The following ZNF83 variants were observed in gnomAD, a reference collection of about 807,000 sequenced individuals.
The protein encoded by ZNF83 is zinc finger protein 816B.
For synonymous variants in ZNF83, 209 were observed against 213.0 expected, an observed-to-expected ratio of 0.98 and a Z score of 0.17; for missense variants, 552 against 629.9, an observed-to-expected ratio of 0.88 and a Z score of 1.32.
At chr19:52,673,827 C>A (rs2061760751) in intron 1 of ZNF83, among the ~76,000 whole-genome samples, 1 of 151,314 alleles carries the variant, frequency 6.6e-6, no homozygotes, top group Admixed American at 6.6e-5. Flanking sequence ...CCAGCCTGGT[C>A]AACATGGTGC....
chr19:52,631,474 C>G (rs974954984), intron 2 of ZNF83, among the ~76,000 whole-genome samples: 2 of 152,180 alleles, frequency 1.3e-5, no homozygotes, highest in Non-Finnish European at 2.9e-5. Context: ...ACAAACTATG[C>G]TCAACTTACT....
chr19:52,671,672 G>A (rs779941489), intron 1 of ZNF83, among the ~76,000 whole-genome samples: 7 of 152,094 alleles, frequency 4.6e-5, no homozygotes, highest in Non-Finnish European at 1.0e-4. Context: ...TCAACTCCTG[G>A]ACTCAAGCGA....
intron 3 of ZNF83, chr19:52,654,397 G>C (rs1600232776): frequency 1.8e-6 from 2 of 1,131,466 alleles, no homozygotes; most frequent in East Asian, 4.8e-5. Context: ...GGATTTTAAA[G>C]AGCTATCTAA....
intron 2 of ZNF83, among the ~76,000 whole-genome samples, chr19:52,631,892 A>C (rs2060977970): frequency 1.3e-5 from 2 of 151,402 alleles, no homozygotes; most frequent in African/African-American, 4.9e-5. Context: ...ATAACTTCTC[A>C]GTGTTCCATC....
exon 3 of ZNF83, chr19:52,613,224 A>G (rs756053753): frequency 6.8e-6 from 11 of 1,613,438 alleles, no homozygotes; most frequent in East Asian, 6.7e-5. Context: ...GAATTTTCCG[A>G]TGATGTGCTA....
At chr19:52,690,157 G>C (rs2062127486) in intron 1 of ZNF83, among the ~76,000 whole-genome samples, 1 of 149,076 alleles carries the variant, frequency 6.7e-6, no homozygotes, top group Admixed American at 6.7e-5. Flanking sequence ...AGCGCGGGGC[G>C]GGAGGAGTCT....
chr19:52,613,433 A>G (rs772470283), exon 3 of ZNF83: 1 of 1,614,064 alleles, frequency 6.2e-7, no homozygotes, highest in Admixed American at 1.7e-5. Flanking sequence ...GCTTTGTCAC[A>G]TTCATCACAC....
intron 3 of ZNF83, chr19:52,652,425 A>G: frequency 2.6e-6 from 1 of 381,964 alleles, no homozygotes; most frequent in Non-Finnish European, 5.1e-6. Context: ...AAAGAGTAAG[A>G]CTTCATCTGA....
intron 1 of ZNF83, among the ~76,000 whole-genome samples, chr19:52,666,163 CAA>C (rs35992506): frequency 1.1e-4 from 11 of 102,344 alleles, no homozygotes; most frequent in Non-Finnish European, 1.1e-4. Context: ...GACTCCATCT[CAA>C]AAAAAAAAAA....
intron 3 of ZNF83, among the ~76,000 whole-genome samples, chr19:52,647,126 C>A (rs1023539894): frequency 1.8e-4 from 27 of 151,926 alleles, no homozygotes; most frequent in Admixed American, 7.9e-4. Context: ...GGTTTTTTTC[C>A]CACCTCACCG....
chr19:52,630,977 T>G (rs1298976910), intron 2 of ZNF83, among the ~76,000 whole-genome samples: 1 of 149,254 alleles, frequency 6.7e-6, no homozygotes, highest in African/African-American at 2.5e-5. Context: ...TACTCTCCTA[T>G]CCTCAGTACC....
intron 1 of ZNF83, among the ~76,000 whole-genome samples, chr19:52,637,893 G>A (rs573415382): frequency 6.6e-6 from 1 of 152,290 alleles, no homozygotes; most frequent in Admixed American, 6.5e-5. Flanking sequence ...CAAGGTTGGG[G>A]TCTGCAGGAT....
intron 3 of ZNF83, chr19:52,651,500 C>A (rs907000782): frequency 6.6e-6 from 1 of 152,022 alleles, no homozygotes; most frequent in East Asian, 1.9e-4. Flanking sequence ...TCTGGCTTTT[C>A]CATCAGCCTT....
At chr19:52,637,827 T>G (rs902303608) in intron 1 of ZNF83, among the ~76,000 whole-genome samples, 1 of 151,968 alleles carries the variant, frequency 6.6e-6, no homozygotes, top group Non-Finnish European at 1.5e-5. Context: ...GAGAGACCTG[T>G]GGAGCAGCAG....
At chr19:52,640,292 G>T (rs1470205456), upstream of ZNF83, among the ~76,000 whole-genome samples, 1 of 152,172 alleles carries the variant, frequency 6.6e-6, no homozygotes, top group African/African-American at 2.4e-5. Context: ...CCAAATAAAT[G>T]AGATCGGCGT....
chr19:52,620,824 C>T (rs1180724953), intron 2 of ZNF83, among the ~76,000 whole-genome samples: 1 of 152,136 alleles, frequency 6.6e-6, no homozygotes, highest in African/African-American at 2.4e-5. Context: ...TTGTTTCTGC[C>T]CTGCCCCAAC....
chr19:52,622,576 C>G (rs1307148775), intron 2 of ZNF83, among the ~76,000 whole-genome samples: 6 of 152,078 alleles, frequency 3.9e-5, no homozygotes, highest in African/African-American at 7.2e-5. Context: ...GATTTCCTGC[C>G]TAGTTGAAGT....
chr19:52,662,024 C>T (rs1228376313), intron 1 of ZNF83, among the ~76,000 whole-genome samples: 1 of 151,486 alleles, frequency 6.6e-6, no homozygotes, highest in East Asian at 2.0e-4. Context: ...GTGAGGAGGA[C>T]ACAGGCAGGA....
chr19:52,649,139 G>GT (rs144059618), intron 3 of ZNF83, among the ~76,000 whole-genome samples: 372 of 152,188 alleles, frequency 2.4e-3, no homozygotes, highest in Non-Finnish European at 4.1e-3. Flanking sequence ...CAGGTGAGTG[G>GT]TTTTTTTGTC....
Sources: gnomAD v4.1 joint callset for allele counts (sites outside exome capture counted in the v4.1 genomes callset) on GRCh38, gnomAD v4.1.1 for gene constraint, MANE v1.5 for transcripts, NCBI Gene and HGNC (gene_info 2026-07-23, HGNC 2026-07-21) for gene names.